The following LIPI variants were observed in gnomAD, a reference collection of about 807,000 sequenced individuals.
The protein encoded by LIPI is lipase member I.
LIPI carries 59 observed loss-of-function variants against 50.6 expected under a neutral mutation model. The ratio of observed to expected loss-of-function variants is 1.16; its 90% CI spans 0.94 to 1.45. The LOEUF (loss-of-function observed/expected upper bound fraction) is 1.45. Ranked by LOEUF, LIPI falls within the 40% of genes most tolerant of loss-of-function variation. LIPI has a pLI of 0.00. For synonymous variants in LIPI, 203 were observed against 178.2 expected (o/e 1.14, Z -1.11); for missense variants, 586 against 536.3 (o/e 1.09, Z -0.92).
At position 14,189,106 on chromosome 21, in the gene LIPI, A is replaced by G. The variant is rs763321406; in HGVS notation, c.360T>C (p.Phe120=). The G allele has an allele frequency of 6.2e-7, 1 of 1,613,110 alleles. No homozygotes were observed. Among genetic ancestry groups the G allele is most frequent in the Non-Finnish European group, 8.5e-7 (1 of 1,179,936 alleles). The change falls in exon 2 of 10, where the codon TTT becomes TTC. Residue 120 remains phenylalanine, a synonymous_variant. Transcript: ENST00000681601. ...VVDWSRGATT[F]IYNRAVKNTR... is the part of the protein sequence containing the mutation. ...TGTTTTTAACTGCTCTATTATAAATAAAAGTTGTAGCACCCCGGCTCCAGT... is the reference window on the plus strand; with the variant it reads ...TGTTTTTAACTGCTCTATTATAAATGAAAGTTGTAGCACCCCGGCTCCAGT...
chr21:14,210,413 G>A (rs2020332588), intron 1 of LIPI, among the ~76,000 whole-genome samples: 1 of 152,006 alleles, frequency 6.6e-6, no homozygotes, highest in Non-Finnish European at 1.5e-5. Context: ...TTCTTCAAAA[G>A]TAGAGCTAGT....
At chr21:14,172,139 G>A (rs944534359) in intron 4 of LIPI, among the ~76,000 whole-genome samples, 4 of 152,054 alleles carry the variant, frequency 2.6e-5, no homozygotes, top group African/African-American at 7.2e-5. Context: ...CTGGCCATCA[G>A]AGAAATGCAA....
chr21:14,179,666 A>T (rs1338156017), intron 4 of LIPI, among the ~76,000 whole-genome samples: 3 of 152,214 alleles, frequency 2.0e-5, no homozygotes, highest in African/African-American at 4.8e-5. Context: ...CTGGACATTT[A>T]TCAGTTCCCA....
At chr21:14,149,354 GGT>G (rs1042716925) in intron 8 of LIPI, among the ~76,000 whole-genome samples, 2 of 152,150 alleles carry the variant, frequency 1.3e-5, no homozygotes, top group African/African-American at 4.8e-5. Flanking sequence ...ATCTCCACCT[GGT>G]CCCGCCCTTG....
At position 14,123,545 on chromosome 21, in the gene LIPI, A is replaced by T. The variant is rs999674391; in HGVS notation, c.1296-14465T>A. ...TACCCAGTCTATAATGAAGAAAGAAAAAGGACCAGAAGAAACATCTTTACT... is the reference window on the plus strand; with the variant it reads ...TACCCAGTCTATAATGAAGAAAGAATAAGGACCAGAAGAAACATCTTTACT... On this transcript the variant is annotated intron_variant, in intron 9 of 9. Transcript: ENST00000681601. Among the ~76,000 whole-genome samples, 19 of 152,320 alleles carry T rather than the reference A, an allele frequency of 1.2e-4. 2 individuals are homozygous for T. The highest frequency in any genetic ancestry group is 1.2e-3 in the South Asian group (6 of 4,826).
chr21:14,112,349 G>C (rs1304782196), intron 9 of LIPI, among the ~76,000 whole-genome samples: 1 of 151,824 alleles, frequency 6.6e-6, no homozygotes, highest in Non-Finnish European at 1.5e-5. Context: ...CAAATTTTAA[G>C]GTTTTTTTTC....
intron 9 of LIPI, among the ~76,000 whole-genome samples, chr21:14,124,215 C>T (rs1012726509): frequency 1.3e-5 from 2 of 152,038 alleles, no homozygotes; most frequent in African/African-American, 2.4e-5. Context: ...AAATACCAAC[C>T]GATCCCCTGG....
intron 4 of LIPI, among the ~76,000 whole-genome samples, chr21:14,176,066 TA>T (rs1229621652): frequency 6.6e-6 from 1 of 151,356 alleles, no homozygotes; most frequent in Non-Finnish European, 1.5e-5. Context: ...TGGTCCCAGC[TA>T]CTCGGGAGGC....
At chr21:14,169,153 G>C (rs1185885899) in intron 4 of LIPI, among the ~76,000 whole-genome samples, 1 of 152,162 alleles carries the variant, frequency 6.6e-6, no homozygotes, top group African/African-American at 2.4e-5. Flanking sequence ...AATTCAACAA[G>C]AAGAGCTAAC....
rs188826120 is a variant in LIPI, at chr21:14,161,925, T to C, written c.1006+1494A>G. On this transcript the variant is annotated intron_variant, in intron 7 of 9. Coordinates refer to ENST00000681601, the MANE Select transcript of LIPI (RefSeq NM_001302998.2). Reference sequence around the variant, plus strand: ...GATATATAACATATAGATATATGTATTTCTCTATTTATAGATATATAGATA... The same window carrying C: ...GATATATAACATATAGATATATGTACTTCTCTATTTATAGATATATAGATA... 1.0e-3 allele frequency among the ~76,000 whole-genome samples: 129 copies of C among 123,156 alleles called. 2 individuals are homozygous for C. The highest frequency in any genetic ancestry group is 3.5e-3 in the African/African-American group (125 of 35,534). 80.8% of individuals were successfully genotyped at this position (123,156 alleles called of 152,430 possible). A position where few individuals can be genotyped will look rare whatever the true frequency, so the allele number is the denominator to read the frequency against.
intron 1 of LIPI, among the ~76,000 whole-genome samples, chr21:14,205,082 A>G (rs2020188620): frequency 6.6e-6 from 1 of 151,864 alleles, no homozygotes; most frequent in Admixed American, 6.6e-5. Context: ...TAAGGGATAT[A>G]AACAGATATT....
chr21:14,185,737 G>A (rs750937757), intron 3 of LIPI, among the ~76,000 whole-genome samples: 7 of 151,860 alleles, frequency 4.6e-5, no homozygotes, highest in African/African-American at 1.2e-4. Flanking sequence ...AAAATTAGCC[G>A]GTGTGGTAGT....
At chr21:14,125,075 A>G (rs1407937096) in intron 9 of LIPI, among the ~76,000 whole-genome samples, 1 of 150,766 alleles carries the variant, frequency 6.6e-6, no homozygotes, top group African/African-American at 2.5e-5. Flanking sequence ...ACATTTTTAG[A>G]CACTAAATGT....
chr21:14,126,171 A>T (rs1009023847), intron 9 of LIPI, among the ~76,000 whole-genome samples: 165 of 152,328 alleles, frequency 1.1e-3, no homozygotes, highest in East Asian at 5.8e-4. Flanking sequence ...CACATTTACC[A>T]TATGACCCAG....
At chr21:14,200,864 T>C (rs2020028279) in intron 1 of LIPI, among the ~76,000 whole-genome samples, 2 of 152,066 alleles carry the variant, frequency 1.3e-5, no homozygotes, top group Admixed American at 6.6e-5. Context: ...GACTTCAAAC[T>C]ATACTACAGG....
intron 9 of LIPI, among the ~76,000 whole-genome samples, chr21:14,123,796 C>T (rs999086700): frequency 2.0e-5 from 3 of 152,068 alleles, no homozygotes; most frequent in Admixed American, 6.6e-5. Flanking sequence ...CAGCTCGAGC[C>T]GTGGATCTGT....
At chr21:14,155,384 A>C (rs34283087) in intron 7 of LIPI, among the ~76,000 whole-genome samples, 53,811 of 151,696 alleles carry the variant, frequency 0.35, 10,329 homozygotes, top group East Asian at 0.65. Flanking sequence ...TTAGAGTGTC[A>C]GAAAGAGAAG....
intron 8 of LIPI, 121 bp from the exon 9 acceptor site, chr21:14,144,920 C>A: frequency 3.3e-6 from 2 of 605,964 alleles, no homozygotes; most frequent in Non-Finnish European, 2.9e-6. Flanking sequence ...AAAGGCCAAA[C>A]AAAATATTAT....
chr21:14,142,888 G>T (rs2017764805), intron 9 of LIPI, among the ~76,000 whole-genome samples: 1 of 151,916 alleles, frequency 6.6e-6, no homozygotes, highest in Non-Finnish European at 1.5e-5. Flanking sequence ...TCAATTATTT[G>T]CATTATCTGT....
Sources: allele counts gnomAD v4.1 joint callset (sites outside exome capture counted in the v4.1 genomes callset), GRCh38; gene constraint gnomAD v4.1.1; transcripts MANE v1.5; gene names NCBI Gene and HGNC (gene_info 2026-07-23, HGNC 2026-07-21).